The following PRKCE variants were observed in gnomAD, a reference collection of about 807,000 sequenced individuals.
PRKCE encodes the protein protein kinase C epsilon type.
In PRKCE, 16 loss-of-function variants were observed where a neutral mutation model predicts 85.4. The ratio of observed to expected loss-of-function variants is 0.19; its 90% confidence interval spans 0.13 to 0.28. The LOEUF (loss-of-function observed/expected upper bound fraction) is 0.28. PRKCE is among the 10% of genes least tolerant of loss of function. The probability of loss-of-function intolerance (pLI) is 1.00; values close to 1 mark genes in which losing one functional copy is unlikely to be tolerated. For missense variants in PRKCE, 573 were observed against 975.2 expected (o/e 0.59, Z 5.49); for synonymous variants, 388 against 371.5 (o/e 1.04, Z -0.51).
At chr2:45,922,670 C>G (rs997532326) in intron 2 of PRKCE, among the ~76,000 whole-genome samples, 1 of 152,230 alleles carries the variant, frequency 6.6e-6, no homozygotes, top group African/African-American at 2.4e-5. Context: ...TCAAGCTGCA[C>G]TTACCATGAG....
chr2:45,727,686 G>T (rs749655489), intron 1 of PRKCE, among the ~76,000 whole-genome samples: 1 of 152,044 alleles, frequency 6.6e-6, no homozygotes, highest in Non-Finnish European at 1.5e-5. Flanking sequence ...ACGGAGTCTC[G>T]CTCTGTCACC....
chr2:45,965,984 A>G (rs1362207661), intron 2 of PRKCE, among the ~76,000 whole-genome samples: 1 of 152,044 alleles, frequency 6.6e-6, no homozygotes, highest in East Asian at 1.9e-4. Flanking sequence ...GAGCAAGGGC[A>G]GATGTGTGGG....
chr2:45,950,805 C>T (rs1157101958), intron 2 of PRKCE, among the ~76,000 whole-genome samples: 1 of 152,160 alleles, frequency 6.6e-6, no homozygotes, highest in African/African-American at 2.4e-5. Flanking sequence ...TTGGGGACAG[C>T]AACAGCAGCT....
intron 2 of PRKCE, among the ~76,000 whole-genome samples, chr2:45,888,465 C>CTTTT (rs34871432): frequency 0.013 from 997 of 74,692 alleles, 10 homozygotes; most frequent in East Asian, 0.033. Context: ...TCCCAACAGT[C>CTTTT]TTTTTTTTTT....
chr2:46,012,207 T>C (rs1705741179), intron 10 of PRKCE, among the ~76,000 whole-genome samples: 1 of 152,212 alleles, frequency 6.6e-6, no homozygotes, highest in African/African-American at 2.4e-5. Context: ...GGCCTCACAC[T>C]TGACAGGTAC....
chr2:46,054,150 A>G (rs1411582892), intron 10 of PRKCE, among the ~76,000 whole-genome samples: 1 of 152,232 alleles, frequency 6.6e-6, no homozygotes, highest in Non-Finnish European at 1.5e-5. Flanking sequence ...TTTAGAAATG[A>G]TTAACTGATT....
chr2:46,036,677 G>A (rs991699779), intron 10 of PRKCE, among the ~76,000 whole-genome samples: 1 of 152,148 alleles, frequency 6.6e-6, no homozygotes, highest in South Asian at 2.1e-4. Flanking sequence ...CTCTCAGAGG[G>A]GAGGGAGTGT....
At chr2:45,761,814 C>T (rs566652101) in intron 1 of PRKCE, among the ~76,000 whole-genome samples, 120 of 152,298 alleles carry the variant, frequency 7.9e-4, no homozygotes, top group African/African-American at 2.8e-3. Flanking sequence ...GATCCCTGAG[C>T]CACCCCGCTT....
intron 1 of PRKCE, among the ~76,000 whole-genome samples, chr2:45,683,367 T>C (rs997318206): frequency 6.6e-6 from 1 of 152,214 alleles, no homozygotes; most frequent in Non-Finnish European, 1.5e-5. Context: ...ATGTGAGACA[T>C]CTTTCTTTGG....
At chr2:45,812,560 C>T (rs903212514) in intron 1 of PRKCE, among the ~76,000 whole-genome samples, 2 of 152,192 alleles carry the variant, frequency 1.3e-5, no homozygotes, top group Admixed American at 6.5e-5. Context: ...CTCCTCTGTG[C>T]AGTGGGAGTA....
chr2:46,050,316 C>T (rs530236132), intron 10 of PRKCE, among the ~76,000 whole-genome samples: 2 of 152,322 alleles, frequency 1.3e-5, no homozygotes, highest in South Asian at 2.1e-4. Context: ...ATCCCTGAGC[C>T]GTGAGAAGCT....
At chr2:45,960,777 A>G (rs1701320794) in intron 2 of PRKCE, among the ~76,000 whole-genome samples, 2 of 152,126 alleles carry the variant, frequency 1.3e-5, no homozygotes, top group Non-Finnish European at 2.9e-5. Flanking sequence ...GATGCCAAGC[A>G]CCCATCAGCC....
intron 14 of PRKCE, among the ~76,000 whole-genome samples, chr2:46,160,349 G>A (rs1677633642): frequency 6.6e-6 from 1 of 152,170 alleles, no homozygotes; most frequent in Admixed American, 6.5e-5. Context: ...AGTTGGAGGG[G>A]GCATGTAACA....
chr2:45,906,778 G>A (rs182523820), intron 2 of PRKCE, among the ~76,000 whole-genome samples: 22 of 152,328 alleles, frequency 1.4e-4, no homozygotes, highest in African/African-American at 3.8e-4. Context: ...TCAATGTGCC[G>A]GCAGCTTCTG....
intron 2 of PRKCE, among the ~76,000 whole-genome samples, chr2:45,893,526 C>T (rs967689593): frequency 6.6e-6 from 1 of 152,056 alleles, no homozygotes; most frequent in African/African-American, 2.4e-5. Flanking sequence ...CGCCACCACA[C>T]CCAGCTAATT....
At chr2:46,079,980 C>T (rs1016804333) in intron 10 of PRKCE, among the ~76,000 whole-genome samples, 7 of 152,224 alleles carry the variant, frequency 4.6e-5, no homozygotes, top group South Asian at 2.1e-4. Context: ...ATCACAAGAC[C>T]GTAACTTTTT....
chr2:45,662,149 T>C (rs1243324416), intron 1 of PRKCE, among the ~76,000 whole-genome samples: 2 of 152,094 alleles, frequency 1.3e-5, no homozygotes, highest in African/African-American at 4.8e-5. Flanking sequence ...AAGAAAGAAT[T>C]CACAAAAGAT....
intron 10 of PRKCE, among the ~76,000 whole-genome samples, chr2:46,036,411 C>CCA (rs1044966680): frequency 1.3e-5 from 2 of 151,942 alleles, no homozygotes; most frequent in South Asian, 2.1e-4. Flanking sequence ...ACCCCTATTT[C>CCA]CACACACACA....
chr2:45,826,837 C>G (rs1029975003), intron 1 of PRKCE, among the ~76,000 whole-genome samples: 3 of 152,220 alleles, frequency 2.0e-5, no homozygotes, highest in Non-Finnish European at 2.9e-5. Context: ...CCTTTTGGCT[C>G]TATCTTCAAA....
Sources: allele counts gnomAD v4.1 joint callset (sites outside exome capture counted in the v4.1 genomes callset), GRCh38; gene constraint gnomAD v4.1.1; transcripts MANE v1.5; gene names NCBI Gene and HGNC (gene_info 2026-07-23, HGNC 2026-07-21).